The following KCNQ5 variants were observed in gnomAD, a reference collection of about 807,000 sequenced individuals.
KCNQ5 encodes potassium voltage-gated channel subfamily Q member 5, also known as potassium voltage-gated channel subfamily KQT member 5.
A neutral mutation model predicts 98.2 loss-of-function variants in KCNQ5; 30 were observed. The ratio of observed to expected loss-of-function variants is 0.31; its 90% CI spans 0.23 to 0.41. KCNQ5 has a LOEUF of 0.41. Ranked by LOEUF, KCNQ5 falls within the 10% of genes least tolerant of loss-of-function variation. The pLI, the probability that KCNQ5 is intolerant of heterozygous loss-of-function variation, is 1.00. For synonymous variants in KCNQ5, 458 were observed against 449.4 expected, an observed-to-expected ratio of 1.02 and a Z score of -0.24; for missense variants, 835 against 1,182.5, an observed-to-expected ratio of 0.71 and a Z score of 4.31.
chr6:72,781,553 G>T (rs1773475437), intron 1 of KCNQ5, among the ~76,000 whole-genome samples: 1 of 151,992 alleles, frequency 6.6e-6, no homozygotes, highest in African/African-American at 2.4e-5. Flanking sequence ...TGTCTTTATT[G>T]CATTTCACTG....
chr6:73,000,475 A>T (rs1388950196), intron 1 of KCNQ5, among the ~76,000 whole-genome samples: 1 of 152,150 alleles, frequency 6.6e-6, no homozygotes, highest in African/African-American at 2.4e-5. Context: ...GGGGGAAAAA[A>T]ATACTTCCAT....
At position 72,938,534 on chromosome 6, in the gene KCNQ5, C is replaced by T. The variant is rs578031899; in HGVS notation, c.399-65374C>T. Among the ~76,000 whole-genome samples the T allele has an allele frequency of 2.4e-5, 3 of 125,876 alleles. No individual in the cohort carries two copies. In the South Asian group the frequency reaches 9.3e-4, roughly 39 times the overall value. 82.6% of individuals were successfully genotyped at this position (125,876 alleles called of 152,430 possible). ...AGCTGAGACTACAGGCATGCACCAC[C>T]ACACCCGGCTAATTCTTGTATTTTT... On this transcript the variant is annotated intron_variant, in intron 1 of 13. Coordinates refer to ENST00000370398, the MANE Select transcript of KCNQ5 (RefSeq NM_019842.4).
chr6:72,712,374 G>C (rs551690764), intron 1 of KCNQ5, among the ~76,000 whole-genome samples: 1 of 152,330 alleles, frequency 6.6e-6, no homozygotes, highest in East Asian at 1.9e-4. Flanking sequence ...ACACTCTGAA[G>C]TGAGTAGCAT....
chr6:73,159,230 C>A (rs139375257), intron 10 of KCNQ5, among the ~76,000 whole-genome samples: 159 of 152,240 alleles, frequency 1.0e-3, no homozygotes, highest in African/African-American at 3.6e-3. Context: ...ATTATCCTCA[C>A]CAAACTAACA....
chr6:72,729,926 C>T lies in KCNQ5; in HGVS notation c.398+107339C>T, dbSNP rs138059321. 3.2e-3 allele frequency among the ~76,000 whole-genome samples: 492 copies of T among 152,168 alleles called. 3 individuals carry two copies. The highest frequency in any genetic ancestry group is 0.011 in the African/African-American group (470 of 41,516). ...TTATAATCCCAGCATTTTGGGAGGC[C>T]GAGGTGGGAGGAACCTTTGAGGCCA... On this transcript the variant is annotated intron_variant, in intron 1 of 13. Transcript: ENST00000370398.
chr6:72,947,587 A>G (rs563916184), intron 1 of KCNQ5, among the ~76,000 whole-genome samples: 110 of 152,284 alleles, frequency 7.2e-4, no homozygotes, highest in African/African-American at 2.5e-3. Context: ...TTGAAATTCA[A>G]TTCTGATAGA....
At chr6:72,900,028 G>A (rs1008211427) in intron 1 of KCNQ5, among the ~76,000 whole-genome samples, 1 of 151,970 alleles carries the variant, frequency 6.6e-6, no homozygotes, top group Admixed American at 6.6e-5. Flanking sequence ...AGTAGAGATG[G>A]GGTTTCACCA....
rs1562139229 is a variant in KCNQ5, at chr6:73,034,860, T to TTTTA, written c.490-7073_490-7072insATTT. The stretch of plus-strand genomic sequence containing the variant: ...TTTTCTTTTTTTTTTTTTTTTTTTT[T>TTTTA]TTTGAGACAGTATCTCGCTCTGTTG... On this transcript the variant is annotated intron_variant, in intron 2 of 13. Coordinates refer to ENST00000370398, the MANE Select transcript of KCNQ5 (RefSeq NM_019842.4). 3.2e-4 allele frequency among the ~76,000 whole-genome samples: 41 copies of TTTTA among 126,572 alleles called. 4 individuals are homozygous for TTTTA. The highest frequency in any genetic ancestry group is 3.9e-4 in the Non-Finnish European group (22 of 56,622). The allele number at this position is 126,572 out of a possible 152,430, so 83.0% of individuals were successfully genotyped here.
Position 73,195,058 on chromosome 6 carries a change from CTG to C in KCNQ5, c.2445_2446del (p.Leu816ValfsTer34). On this transcript the variant is annotated frameshift_variant, in exon 14 of 14. Coordinates refer to ENST00000370398, the MANE Select transcript of KCNQ5 (RefSeq NM_019842.4). LOFTEE classifies it high-confidence loss of function. ...RKSFDMGGETLLSVCPMVPKD... is the reference protein window; with the variant it reads ...RKSFDMGGETXLSVCPMVPKD... ...AAGCTTTGACATGGGAGGAGAAACTCTGTTGTCTGTCTGTCCCATGGTGCCGA... is the reference window on the plus strand; with the variant it reads ...AAGCTTTGACATGGGAGGAGAAACTCTTGTCTGTCTGTCCCATGGTGCCGA... 6.2e-7 allele frequency: 1 copy of C among 1,614,188 alleles called. No individual in the cohort carries two copies. Among genetic ancestry groups the C allele is most frequent in the Non-Finnish European group, 8.5e-7 (1 of 1,180,042 alleles).
At chr6:72,638,706 G>C (rs1222547333) in intron 1 of KCNQ5, among the ~76,000 whole-genome samples, 3 of 151,996 alleles carry the variant, frequency 2.0e-5, no homozygotes. Flanking sequence ...GATTTCTGGA[G>C]CACATGATAA....
intron 1 of KCNQ5, among the ~76,000 whole-genome samples, chr6:72,778,122 A>G (rs373247442): frequency 6.6e-6 from 1 of 152,308 alleles, no homozygotes; most frequent in South Asian, 2.1e-4. Context: ...TGTCAGGCCA[A>G]AGATGAAGGT....
chr6:73,064,440 T>C (rs1184158306), intron 3 of KCNQ5, among the ~76,000 whole-genome samples: 3 of 152,182 alleles, frequency 2.0e-5, no homozygotes, highest in Non-Finnish European at 4.4e-5. Flanking sequence ...TTGAATAAGA[T>C]ATCCAAGCAT....
At chr6:73,154,156 G>A (rs982217070) in intron 10 of KCNQ5, among the ~76,000 whole-genome samples, 2 of 151,978 alleles carry the variant, frequency 1.3e-5, no homozygotes, top group African/African-American at 2.4e-5. Flanking sequence ...AATGTAGTGA[G>A]AGTGTGTTCA....
In KCNQ5 at chr6:72,983,070, G is replaced by C. The variant is rs888323105; in HGVS notation, c.399-20838G>C. Among the ~76,000 whole-genome samples, 7 of 152,310 alleles carry C rather than the reference G, an allele frequency of 4.6e-5. No homozygotes were observed. In the South Asian group the frequency reaches 1.0e-3, roughly 23 times the overall value. On this transcript the variant is annotated intron_variant, in intron 1 of 13. Coordinates refer to ENST00000370398, the MANE Select transcript of KCNQ5 (RefSeq NM_019842.4). ...TAGTCTGATGGGCTTCCCTTTGTGG[G>C]TAACCCGACCTTTCTCTCTGGCTGC... is the stretch of plus-strand genomic sequence containing the variant.
chr6:72,806,534 CA>C (rs1192985699), intron 1 of KCNQ5, among the ~76,000 whole-genome samples: 12 of 152,194 alleles, frequency 7.9e-5, no homozygotes, highest in African/African-American at 2.2e-4. Flanking sequence ...CCTGAAGAGA[CA>C]AAAAATAGCA....
intron 1 of KCNQ5, among the ~76,000 whole-genome samples, chr6:72,792,300 A>C (rs1774095622): frequency 6.6e-6 from 1 of 152,116 alleles, no homozygotes. Context: ...ACATGGTTTT[A>C]AGTTCAAGCT....
intron 1 of KCNQ5, among the ~76,000 whole-genome samples, chr6:72,933,052 A>G (rs1765759694): frequency 6.6e-6 from 1 of 152,200 alleles, no homozygotes; most frequent in South Asian, 2.1e-4. Flanking sequence ...TAAAAAACAA[A>G]TTCAATGTCA....
intron 8 of KCNQ5, among the ~76,000 whole-genome samples, chr6:73,121,327 A>T (rs1341074230): frequency 6.6e-6 from 1 of 150,918 alleles, no homozygotes; most frequent in African/African-American, 2.5e-5. Flanking sequence ...TACCACAGAG[A>T]TCTGTAATTA....
intron 1 of KCNQ5, among the ~76,000 whole-genome samples, chr6:72,849,039 T>C (rs186076953): frequency 6.6e-5 from 10 of 152,226 alleles, no homozygotes; most frequent in Non-Finnish European, 1.5e-4. Flanking sequence ...GTTGCTTCAC[T>C]TAATAGCCTC....
Sources: gnomAD v4.1 joint callset for allele counts (sites outside exome capture counted in the v4.1 genomes callset) on GRCh38, gnomAD v4.1.1 for gene constraint, MANE v1.5 for transcripts, NCBI Gene and HGNC (gene_info 2026-07-23, HGNC 2026-07-21) for gene names.